Variants in SPECC1L observed in about 807,000 individuals in gnomAD.
The protein encoded by SPECC1L is sperm antigen with calponin homology and coiled-coil domains 1 like.
A neutral mutation model predicts 116.8 loss-of-function variants in SPECC1L; 40 were observed. The observed-to-expected ratio is 0.34, with a 90% CI of 0.27 to 0.45. The LOEUF (loss-of-function observed/expected upper bound fraction) is 0.45, where lower values mean the gene tolerates loss of function less well. Among genes scored for constraint, SPECC1L ranks in the 20% least tolerant of loss-of-function variants. SPECC1L has a pLI of 1.00. For synonymous variants in SPECC1L, 504 were observed against 500.6 expected (o/e 1.01, Z -0.09); for missense variants, 1,110 against 1,373.6 (o/e 0.81, Z 3.03).
intron 2 of SPECC1L, among the ~76,000 whole-genome samples, chr22:24,285,128 T>G (rs1001555255): frequency 1.3e-5 from 2 of 152,196 alleles, no homozygotes; most frequent in African/African-American, 4.8e-5. Context: ...TAGAAGAACC[T>G]CTGAAGTTTC....
In SPECC1L at chr22:24,416,908, C is replaced by G. The variant is rs2042810795; in HGVS notation, c.*2285C>G. 1 of 152,366 alleles carries G rather than the reference C, an allele frequency of 6.6e-6. No individual in the cohort carries two copies. The highest frequency in any genetic ancestry group is 1.5e-5 in the Non-Finnish European group (1 of 68,136). 9.4% of individuals were successfully genotyped at this position (152,366 alleles called of 1,614,324 possible). On this transcript the variant is annotated 3_prime_UTR_variant, in exon 17 of 17. Transcript: ENST00000314328. The stretch of plus-strand genomic sequence containing the variant: ...CCTATCTAGAGGCTTGCCTCGGGCC[C>G]CTCCTTGGGGAAGGTTTGCGTGCAG...
At chr22:24,280,446 G>A (rs2048919473) in intron 2 of SPECC1L, among the ~76,000 whole-genome samples, 1 of 151,460 alleles carries the variant, frequency 6.6e-6, no homozygotes, top group Non-Finnish European at 1.5e-5. Flanking sequence ...GTCTGTAAAG[G>A]GCCAGACAGT....
chr22:24,390,778 G>A (rs1289348132), intron 14 of SPECC1L, among the ~76,000 whole-genome samples: 2 of 148,204 alleles, frequency 1.3e-5, no homozygotes, highest in African/African-American at 2.5e-5. Flanking sequence ...GGTTGGCCAA[G>A]AGCTTCACAT....
At chr22:24,295,648 GTTGA>G (rs1417519290) in intron 2 of SPECC1L, among the ~76,000 whole-genome samples, 1 of 152,038 alleles carries the variant, frequency 6.6e-6, no homozygotes, top group Non-Finnish European at 1.5e-5. Flanking sequence ...AATAAAAAAT[GTTGA>G]TTAAGAATAC....
rs1023300851 is a variant in SPECC1L at position 24,417,152 on chromosome 22, C to T, written c.*2529C>T. The T allele has an allele frequency of 3.3e-5, 5 of 152,586 alleles. No homozygotes were observed. Among genetic ancestry groups the T allele is most frequent in the African/African-American group, 4.8e-5 (2 of 41,452 alleles). The allele number at this position is 152,586 out of a possible 1,614,324, so 9.5% of individuals were successfully genotyped here. On this transcript the variant is annotated 3_prime_UTR_variant, in exon 17 of 17. Transcript: ENST00000314328. Reference sequence around the variant, plus strand: ...AGCTTTACTGCAAAAGGGCCAGTCGCGTTTCTATTTCTCTCGATCCCAGGC... The same window carrying T: ...AGCTTTACTGCAAAAGGGCCAGTCGTGTTTCTATTTCTCTCGATCCCAGGC...
intron 14 of SPECC1L, among the ~76,000 whole-genome samples, chr22:24,379,418 T>C (rs539311361): frequency 2.0e-5 from 3 of 152,212 alleles, no homozygotes; most frequent in East Asian, 3.9e-4. Context: ...TCCTCTTGAT[T>C]ATAGAACTTT....
Position 24,411,722 on chromosome 22 carries a change from A to G in SPECC1L, c.3204+18A>G, listed in dbSNP as rs374483353. On this transcript the variant is annotated intron_variant, in intron 15 of 16. Transcript: ENST00000314328. ...AGGATAAGGTAGGCCATGGAGGGCC[A>G]GCTCCTGGCACCCACCTCACAGGGT... The G allele has an allele frequency of 1.3e-6, 2 of 1,589,990 alleles. No individual in the cohort carries two copies. Among genetic ancestry groups the G allele is most frequent in the Non-Finnish European group, 8.6e-7 (1 of 1,159,852 alleles).
intron 4 of SPECC1L, among the ~76,000 whole-genome samples, chr22:24,316,474 A>G (rs1569417235): frequency 6.6e-6 from 1 of 151,262 alleles, no homozygotes; most frequent in Non-Finnish European, 1.5e-5. Context: ...GGGAGTGGTG[A>G]TGACTCTGAA....
chr22:24,308,543 G>A (rs916693179), intron 3 of SPECC1L, among the ~76,000 whole-genome samples: 1 of 152,214 alleles, frequency 6.6e-6, no homozygotes, highest in Non-Finnish European at 1.5e-5. Context: ...CATTGTGGGG[G>A]ATGTTAACTT....
At chr22:24,319,286 G>C (rs1022648730) in intron 4 of SPECC1L, among the ~76,000 whole-genome samples, 9 of 152,056 alleles carry the variant, frequency 5.9e-5, no homozygotes, top group Admixed American at 6.6e-5. Context: ...GGGGTAGCAG[G>C]CACATTCTTC....
At chr22:24,333,371 AC>A (rs2040977880) in intron 8 of SPECC1L, among the ~76,000 whole-genome samples, 1 of 152,222 alleles carries the variant, frequency 6.6e-6, no homozygotes, top group Admixed American at 6.5e-5. Context: ...TTATTCACAT[AC>A]TTGATAGTTA....
At chr22:24,391,980 C>T (rs2042283153) in intron 14 of SPECC1L, among the ~76,000 whole-genome samples, 1 of 152,166 alleles carries the variant, frequency 6.6e-6, no homozygotes, top group Non-Finnish European at 1.5e-5. Flanking sequence ...TGTGAATCAG[C>T]ACCCACATTC....
intron 14 of SPECC1L, among the ~76,000 whole-genome samples, chr22:24,404,656 C>T (rs1486419826): frequency 6.6e-6 from 1 of 152,206 alleles, no homozygotes; most frequent in Non-Finnish European, 1.5e-5. Flanking sequence ...ACCAGCCGGC[C>T]TCTGACTGCC....
chr22:24,275,935 A>C lies in SPECC1L; in HGVS notation c.-141-765A>C, dbSNP rs897002941. Among the ~76,000 whole-genome samples, 165 of 151,936 alleles carry C rather than the reference A, an allele frequency of 1.1e-3. 1 individual carries two copies. The highest frequency in any genetic ancestry group is 3.2e-3 in the African/African-American group (132 of 41,426). ...GCCATCTTGCCTAGGCTGGTGTGGA[A>C]CTCCTGGGTTCAAGCAAACCTCCCG... On this transcript the variant is annotated intron_variant, in intron 1 of 16. Transcript: ENST00000314328.
At chr22:24,382,402 A>C (rs2042078107) in intron 14 of SPECC1L, among the ~76,000 whole-genome samples, 1 of 152,116 alleles carries the variant, frequency 6.6e-6, no homozygotes, top group South Asian at 2.1e-4. Flanking sequence ...CCTAGGAAGA[A>C]GACAACCTCA....
rs565604752 is a variant in SPECC1L, at chr22:24,415,592, C to G, written c.*969C>G. The G allele has an allele frequency of 6.6e-6, 1 of 152,518 alleles. No homozygotes were observed. The highest frequency in any genetic ancestry group is 1.9e-4 in the East Asian group (1 of 5,192). The allele number at this position is 152,518 out of a possible 1,614,324, so 9.4% of individuals were successfully genotyped here. ...GAGAAAAGTAAACAACTTTAGGGAG[C>G]CCAGGCAGTGTCATTTAAACTCACT... On this transcript the variant is annotated 3_prime_UTR_variant, in exon 17 of 17. Coordinates refer to ENST00000314328, the MANE Select transcript of SPECC1L (RefSeq NM_015330.6).
chr22:24,305,924 C>CTT (rs954188922), intron 3 of SPECC1L, among the ~76,000 whole-genome samples: 2 of 144,596 alleles, frequency 1.4e-5, no homozygotes, highest in South Asian at 2.2e-4. Flanking sequence ...TTCATACAAT[C>CTT]TTTTTTTTTT....
At chr22:24,410,388 C>G (rs1380627429) in intron 14 of SPECC1L, among the ~76,000 whole-genome samples, 4 of 152,194 alleles carry the variant, frequency 2.6e-5, no homozygotes, top group Non-Finnish European at 4.4e-5. Context: ...TCTGGGAGGT[C>G]AGGCTGAGTC....
intron 16 of SPECC1L, among the ~76,000 whole-genome samples, chr22:24,413,288 C>T (rs1313347831): frequency 2.6e-5 from 4 of 152,200 alleles, no homozygotes; most frequent in Non-Finnish European, 5.9e-5. Context: ...CCTTGCCGAG[C>T]CCAACTTTCC....
Sources: gnomAD v4.1 joint callset for allele counts (sites outside exome capture counted in the v4.1 genomes callset) on GRCh38, gnomAD v4.1.1 for gene constraint, MANE v1.5 for transcripts, NCBI Gene and HGNC (gene_info 2026-07-23, HGNC 2026-07-21) for gene names.